The following LPAR2 variants were observed in gnomAD, a reference collection of about 807,000 sequenced individuals.
LPAR2 encodes the protein lysophosphatidic acid receptor 2.
In LPAR2, 10 loss-of-function variants were observed where a neutral mutation model predicts 15.6. That is an observed-to-expected ratio of 0.64 (90% CI 0.39 to 1.09). The LOEUF (loss-of-function observed/expected upper bound fraction) is 1.09, where lower values mean the gene tolerates loss of function less well. Ranked by LOEUF, LPAR2 falls within the 50% of genes least tolerant of loss-of-function variation. The pLI is 0.01. For synonymous variants in LPAR2, 204 were observed against 207.4 expected, an observed-to-expected ratio of 0.98 and a Z score of 0.14; for missense variants, 413 against 484.6, an observed-to-expected ratio of 0.85 and a Z score of 1.39.
chr19:19,625,504 G>A (rs1057432319), intron 2 of LPAR2, among the ~76,000 whole-genome samples: 7 of 151,988 alleles, frequency 4.6e-5, no homozygotes, highest in African/African-American at 1.7e-4. Context: ...AAAAATATGG[G>A]CCGGGCGTGG....
In LPAR2 at chr19:19,625,126, T is replaced by G. The variant is rs567981960; in HGVS notation, c.743-557A>C. ...TGAGCCACTGCGCCTGGCCTGTGTG[T>G]TTTTTTTTGAGACAGGGTCTCCTTC... On this transcript the variant is annotated intron_variant, in intron 2 of 2. Transcript: ENST00000407877. Among the ~76,000 whole-genome samples, 13 of 148,670 alleles carry G rather than the reference T, an allele frequency of 8.7e-5. 1 individual carries two copies. The South Asian group carries it at 1.9e-3, about 22-fold the overall frequency.
At position 19,626,192 on chromosome 19, in the gene LPAR2, A is replaced by G. The variant is rs556915297; in HGVS notation, c.742+351T>C. 6.6e-6 allele frequency among the ~76,000 whole-genome samples: 1 copy of G among 152,270 alleles called. No homozygotes were observed. The highest frequency in any genetic ancestry group is 1.9e-4 in the East Asian group (1 of 5,178). On this transcript the variant is annotated intron_variant, in intron 2 of 2. Transcript: ENST00000407877. The surrounding 1 kb of genome is among the most constrained non-coding windows in gnomAD (Gnocchi z 5.3). ...GCCACTGTGCCCGGCTAGCACTGCTAAAAACTCTTAAGGGGTTCCCATGAA... is the reference window on the plus strand; with the variant it reads ...GCCACTGTGCCCGGCTAGCACTGCTGAAAACTCTTAAGGGGTTCCCATGAA...
At position 19,627,784 on chromosome 19, in the gene LPAR2, G is replaced by A. The variant is rs940977750; in HGVS notation, c.-1+308C>T. The A allele has an allele frequency of 1.9e-4, 31 of 165,526 alleles. No individual in the cohort carries two copies. Among genetic ancestry groups the A allele is most frequent in the African/African-American group, 7.2e-4 (30 of 41,530 alleles). 10.3% of individuals were successfully genotyped at this position (165,526 alleles called of 1,614,324 possible). A position where few individuals can be genotyped will look rare whatever the true frequency, so the allele number is the denominator to read the frequency against. On this transcript the variant is annotated intron_variant, in intron 1 of 2. Coordinates refer to ENST00000407877, the MANE Select transcript of LPAR2 (RefSeq NM_004720.7). This position sits in a 1 kb window ranked among gnomAD's most constrained non-coding sequence, Gnocchi z 4.7. ...CCCTGCGAGGGGGCGGTGCCGAGGC[G>A]TGGAGGTGATCGGAGTGGACAGAGA...
At position 19,624,576 on chromosome 19, in the gene LPAR2, G is replaced by T. The variant is rs1428120429; in HGVS notation, c.743-7C>A. The T allele has an allele frequency of 1.3e-6, 2 of 1,582,734 alleles. No homozygotes were observed. Among genetic ancestry groups the T allele is most frequent in the African/African-American group, 1.3e-5 (1 of 74,548 alleles). ...CAGCAGACCACGAACGCCCCTGTGG[G>T]ACAGAGGCGGAAGTGAGCAGGGCAA... On this transcript the variant is annotated splice_polypyrimidine_tract_variant and splice_region_variant and intron_variant, in intron 2 of 2. Transcript: ENST00000407877.
chr19:19,626,526 C>G lies in LPAR2; in HGVS notation c.742+17G>C. The G allele has an allele frequency of 6.3e-7, 1 of 1,577,512 alleles. No homozygotes were observed. Among genetic ancestry groups the G allele is most frequent in the Admixed American group, 1.8e-5 (1 of 55,878 alleles). On this transcript the variant is annotated intron_variant, in intron 2 of 2. Transcript: ENST00000407877. The surrounding 1 kb of genome is among the most constrained non-coding windows in gnomAD (Gnocchi z 5.3). Reference sequence around the variant, plus strand: ...GGGGAAGCAGGGTCCCTGTTGCCCCCTGGGGGCCCCACTTACCCAGGATGA... The same window carrying G: ...GGGGAAGCAGGGTCCCTGTTGCCCCGTGGGGGCCCCACTTACCCAGGATGA...
chr19:19,624,465 A>G lies in LPAR2; in HGVS notation c.847T>C (p.Leu283=). The G allele has an allele frequency of 6.2e-7, 1 of 1,614,112 alleles. No homozygotes were observed. The highest frequency in any genetic ancestry group is 8.5e-7 in the Non-Finnish European group (1 of 1,180,026). ...TTGACCAGGGAGTTGGCCTCGGCCA[A>G]CAGTAGGAAGTACTTTTCTACAGCC... Residue 283 remains leucine (L), a synonymous_variant, in exon 3 of 3, where the codon TTG becomes CTG. Transcript: ENST00000407877.
Position 19,627,003 on chromosome 19 carries a change from G to A in LPAR2, c.282C>T (p.Pro94=). ...CCTCAAGTGAAAGTCGGGCTGTGCG[G>A]GGACCAGTGTGGAACATGAGGAAGA... The change falls in exon 2 of 3, where the codon CCC becomes CCT. Residue 94 remains proline, a synonymous_variant. Transcript: ENST00000407877. This position sits in a 1 kb window ranked among gnomAD's most constrained non-coding sequence, Gnocchi z 4.7. 2 of 1,613,754 alleles carry A rather than the reference G, an allele frequency of 1.2e-6. No homozygotes were observed. Among genetic ancestry groups the A allele is most frequent in the Non-Finnish European group, 1.7e-6 (2 of 1,179,982 alleles).
intron 2 of LPAR2, among the ~76,000 whole-genome samples, chr19:19,625,117 G>T (rs1269954365): frequency 6.6e-6 from 1 of 151,926 alleles, no homozygotes; most frequent in Non-Finnish European, 1.5e-5. Flanking sequence ...ACTGCGCCTG[G>T]CCTGTGTGTT....
Position 19,627,317 on chromosome 19 carries a change from TTCTTG to T in LPAR2, c.1-38_1-34del. On this transcript the variant is annotated intron_variant, in intron 1 of 2. Coordinates refer to ENST00000407877, the MANE Select transcript of LPAR2 (RefSeq NM_004720.7). This position sits in a 1 kb window ranked among gnomAD's most constrained non-coding sequence, Gnocchi z 4.7. ...CACAAGAGATCAGTGCATGTGGCAC[TTCTTG>T]GAAGGACACAGGGAGGGGCGGCAGC... 1.3e-6 allele frequency: 2 copies of T among 1,575,212 alleles called. No individual in the cohort carries two copies. The highest frequency in any genetic ancestry group is 1.7e-6 in the Non-Finnish European group (2 of 1,164,254).
rs142248281 is a variant in LPAR2 at position 19,624,789 on chromosome 19, TTGTGTGTGTG to T, written c.743-230_743-221del. Among the ~76,000 whole-genome samples, 1,341 of 143,778 alleles carry T rather than the reference TTGTGTGTGTG, an allele frequency of 9.3e-3. 7 individuals carry two copies. Among genetic ancestry groups the T allele is most frequent in the African/African-American group, 0.023 (875 of 38,522 alleles). The allele number at this position is 143,778 out of a possible 152,430, so 94.3% of individuals were successfully genotyped here. ...CACAGTGGCCAAGGCACTGGACATT[TTGTGTGTGTG>T]TGTGTGTGTGTGTGTGTGTGTGTGT... On this transcript the variant is annotated intron_variant, in intron 2 of 2. Coordinates refer to ENST00000407877, the MANE Select transcript of LPAR2 (RefSeq NM_004720.7).
Position 19,624,358 on chromosome 19 carries a change from GGA to G in LPAR2, c.952_953del (p.Ser318HisfsTer67). On this transcript the variant is annotated frameshift_variant, in exon 3 of 3. Transcript: ENST00000407877. LOFTEE classifies it low-confidence loss of function (END_TRUNC). ...ATGTATAGTGGACAGACTCGCGGGT[GGA>G]CTGGCGGAGGCACGCGCAGCAGAGA... 6.2e-7 allele frequency: 1 copy of G among 1,614,224 alleles called. No individual in the cohort carries two copies. The highest frequency in any genetic ancestry group is 8.5e-7 in the Non-Finnish European group (1 of 1,180,040).
In LPAR2 at chr19:19,626,223, A is replaced by T. The variant is rs1031902898; in HGVS notation, c.742+320T>A. 6.6e-6 allele frequency among the ~76,000 whole-genome samples: 1 copy of T among 152,160 alleles called. No individual in the cohort carries two copies. Among genetic ancestry groups the T allele is most frequent in the African/African-American group, 2.4e-5 (1 of 41,450 alleles). On this transcript the variant is annotated intron_variant, in intron 2 of 2. Transcript: ENST00000407877. This position sits in a 1 kb window ranked among gnomAD's most constrained non-coding sequence, Gnocchi z 5.3. ...TCTTAAGGGGTTCCCATGAAACTCA[A>T]AATAAGACTCCTGTCCGTGCCCCTT...
chr19:19,624,586 G>T lies in LPAR2; in HGVS notation c.743-17C>A. On this transcript the variant is annotated splice_polypyrimidine_tract_variant and intron_variant, in intron 2 of 2. Coordinates refer to ENST00000407877, the MANE Select transcript of LPAR2 (RefSeq NM_004720.7). Reference sequence around the variant, plus strand: ...CGAACGCCCCTGTGGGACAGAGGCGGAAGTGAGCAGGGCAAGCTGTCAGAG... The same window carrying T: ...CGAACGCCCCTGTGGGACAGAGGCGTAAGTGAGCAGGGCAAGCTGTCAGAG... 6.4e-7 allele frequency: 1 copy of T among 1,573,134 alleles called. No individual in the cohort carries two copies. Among genetic ancestry groups the T allele is most frequent in the South Asian group, 1.2e-5 (1 of 84,308 alleles).
chr19:19,625,530 A>G (rs546016543), intron 2 of LPAR2, among the ~76,000 whole-genome samples: 7 of 152,148 alleles, frequency 4.6e-5, no homozygotes, highest in Admixed American at 3.9e-4. Context: ...CATGCTTGTA[A>G]TCCCAGCACT....
Position 19,624,520 on chromosome 19 carries a change from A to G in LPAR2, c.792T>C (p.Asp264=). 6.2e-7 allele frequency: 1 copy of G among 1,613,340 alleles called. No individual in the cohort carries two copies. Among genetic ancestry groups the G allele is most frequent in the African/African-American group, 1.3e-5 (1 of 75,004 alleles). Residue 264 remains aspartate, a synonymous_variant, in exon 3 of 3, where the codon GAT becomes GAC. Coordinates refer to ENST00000407877, the MANE Select transcript of LPAR2 (RefSeq NM_004720.7). ...CATTGCAGGACTCACAGCCTAAACC[A>G]TCCAGGAGCAGTACCACCTGGCCTG...
rs1004963909 is a variant in LPAR2, at chr19:19,626,903, C to A, written c.382G>T (p.Glu128Ter). 1 of 1,600,712 alleles carries A rather than the reference C, an allele frequency of 6.2e-7. No individual in the cohort carries two copies. ...ACGGCCATCACACTGCGGTGCCGCTCCACGGCGATGGCCAGCAGTGTGGCC... is the reference window on the plus strand; with the variant it reads ...ACGGCCATCACACTGCGGTGCCGCTACACGGCGATGGCCAGCAGTGTGGCC... Residue 128 changes from glutamate to a stop codon, truncating the protein, a stop_gained, in exon 2 of 3, where the codon GAG becomes TAG. Transcript: ENST00000407877. LOFTEE classifies it high-confidence loss of function. This position sits in a 1 kb window ranked among gnomAD's most constrained non-coding sequence, Gnocchi z 5.3.
Position 19,626,970 on chromosome 19 carries a change from G to T in LPAR2, c.315C>A (p.Phe105Leu), listed in dbSNP as rs773786936. Reference sequence around the variant, plus strand: ...TTGTGTCCAGCAAGCCCTGCCGCAGGAACCAGCCCTCAAGTGAAAGTCGGG... The same window carrying T: ...TTGTGTCCAGCAAGCCCTGCCGCAGTAACCAGCCCTCAAGTGAAAGTCGGG... Residue 105 changes from phenylalanine (F) to leucine (L), a missense_variant, in exon 2 of 3, where the codon TTC (phenylalanine) becomes TTA (leucine). Phe to Leu is a conservative substitution (Grantham distance 22, BLOSUM62 0). Coordinates refer to ENST00000407877, the MANE Select transcript of LPAR2 (RefSeq NM_004720.7). The surrounding 1 kb of genome is among the most constrained non-coding windows in gnomAD (Gnocchi z 5.3). 223 of 1,612,532 alleles carry T rather than the reference G, an allele frequency of 1.4e-4. No individual in the cohort carries two copies. The highest frequency in any genetic ancestry group is 1.8e-4 in the Non-Finnish European group (218 of 1,179,626).
chr19:19,624,817 G>A (rs919013299), intron 2 of LPAR2, among the ~76,000 whole-genome samples: 1 of 151,430 alleles, frequency 6.6e-6, no homozygotes, highest in African/African-American at 2.4e-5. Context: ...GTGTGTGTGT[G>A]TGTGTGTGTG....
rs113352973 is a variant in LPAR2, at chr19:19,624,439, A to G, written c.873T>C (p.Asn291=). The G allele has an allele frequency of 8.3e-3, 13,412 of 1,614,144 alleles. 80 individuals carry two copies. Among genetic ancestry groups the G allele is most frequent in the Middle Eastern group, 0.017 (101 of 6,062 alleles). Residue 291 remains asparagine, a synonymous_variant, in exon 3 of 3, where the codon AAT becomes AAC. Coordinates refer to ENST00000407877, the MANE Select transcript of LPAR2 (RefSeq NM_004720.7). ...CATCTCGGCAAGAGTACACAGCAGC[A>G]TTGACCAGGGAGTTGGCCTCGGCCA...
Sources: gnomAD v4.1 joint callset for allele counts (sites outside exome capture counted in the v4.1 genomes callset) on GRCh38, gnomAD v4.1.1 for gene constraint, Gnocchi (gnomAD v3.1) non-coding constraint, MANE v1.5 for transcripts, NCBI Gene and HGNC (gene_info 2026-07-23, HGNC 2026-07-21) for gene names.